The following SORL1 variants were observed in gnomAD, a reference collection of about 807,000 sequenced individuals.
SORL1 encodes the protein sortilin-related receptor.
SORL1 carries 127 observed loss-of-function variants against 273.7 expected under a neutral mutation model. The ratio of observed to expected loss-of-function variants is 0.46; its 90% CI spans 0.40 to 0.54. SORL1 has a LOEUF of 0.54. Ranked by LOEUF, SORL1 falls within the 20% of genes least tolerant of loss-of-function variation. SORL1 has a pLI of 0.00. For missense variants in SORL1, 2,494 were observed against 2,846.1 expected (o/e 0.88, Z 2.81); for synonymous variants, 1,031 against 1,067.4 (o/e 0.97, Z 0.66).
chr11:121,459,293 T>C (rs1565299151), intron 1 of SORL1, among the ~76,000 whole-genome samples: 1 of 152,218 alleles, frequency 6.6e-6, no homozygotes, highest in Non-Finnish European at 1.5e-5. Context: ...AGGCCTCTTC[T>C]TCCCACCTGT....
At chr11:121,483,532 C>T (rs1861427219) in intron 3 of SORL1, among the ~76,000 whole-genome samples, 1 of 152,166 alleles carries the variant, frequency 6.6e-6, no homozygotes, top group Non-Finnish European at 1.5e-5. Context: ...TTTGTATTTT[C>T]AGAGGAAACA....
rs1406457635 is a variant in SORL1 at position 121,589,324 on chromosome 11, A to C, written c.4012A>C (p.Ile1338Leu). ...TTTCCAGTGTCAGAATGGAGTGTGCATCAGTTTGATTTGGAAGTGCGACGG... is the reference window on the plus strand; with the variant it reads ...TTTCCAGTGTCAGAATGGAGTGTGCCTCAGTTTGATTTGGAAGTGCGACGG... The part of the protein sequence containing the change: ...FGFQCQNGVC[I>L]SLIWKCDGMD... Residue 1338 changes from isoleucine (I) to leucine (L), a missense_variant, in exon 29 of 48, where the codon ATC becomes CTC. Ile to Leu is a conservative substitution (Grantham distance 5). Around this residue, in one of 3 missense-constraint regions of SORL1, gnomAD observed 1,609 missense variants for 1,816.4 expected, o/e 0.89. Coordinates refer to ENST00000260197, the MANE Select transcript of SORL1 (RefSeq NM_003105.6). 2 of 1,613,930 alleles carry C rather than the reference A, an allele frequency of 1.2e-6. No individual in the cohort carries two copies. Among genetic ancestry groups the C allele is most frequent in the Middle Eastern group, 3.3e-4 (2 of 6,060 alleles).
intron 1 of SORL1, among the ~76,000 whole-genome samples, chr11:121,463,235 T>G (rs1861029868): frequency 1.3e-5 from 2 of 150,232 alleles, no homozygotes; most frequent in Admixed American, 1.3e-4. Context: ...TCTCTGAGAT[T>G]CTTTCTGGCT....
At chr11:121,552,808 G>A (rs2134900447) in intron 16 of SORL1, among the ~76,000 whole-genome samples, 1 of 152,346 alleles carries the variant, frequency 6.6e-6, no homozygotes, top group African/African-American at 2.4e-5. Flanking sequence ...GAAGTGGGCA[G>A]GAATGGCTAA....
At chr11:121,621,777 T>G (rs1418421040) in intron 44 of SORL1, among the ~76,000 whole-genome samples, 1 of 152,202 alleles carries the variant, frequency 6.6e-6, no homozygotes, top group East Asian at 1.9e-4. Flanking sequence ...CCAGCCCCAT[T>G]TATGCTGGTG....
chr11:121,453,560 A>C (rs935919961), intron 1 of SORL1, among the ~76,000 whole-genome samples: 5 of 152,144 alleles, frequency 3.3e-5, no homozygotes, highest in African/African-American at 1.2e-4. Context: ...GAGGGGGTAA[A>C]TACACTTGTT....
chr11:121,454,805 C>G (rs1283081893), intron 1 of SORL1, among the ~76,000 whole-genome samples: 2 of 152,110 alleles, frequency 1.3e-5, no homozygotes, highest in Non-Finnish European at 2.9e-5. Context: ...TTGAGGTGCC[C>G]CTCTTGGAAC....
In SORL1 at chr11:121,603,894, T is replaced by C. The variant is rs55859116; in HGVS notation, c.4520-299T>C. ...ATGGAATTGTTACTTCCATTTTTTA[T>C]AGGGCAACTGAACTCAGGTGATATT... On this transcript the variant is annotated intron_variant, in intron 32 of 47. Coordinates refer to ENST00000260197, the MANE Select transcript of SORL1 (RefSeq NM_003105.6). 8.4e-3 allele frequency among the ~76,000 whole-genome samples: 1,281 copies of C among 152,334 alleles called. 13 individuals carry two copies. The highest frequency in any genetic ancestry group is 0.028 in the African/African-American group (1,182 of 41,568).
intron 24 of SORL1, 124 bp from the exon 25 acceptor site, chr11:121,577,157 A>G (rs1862943448): frequency 1.5e-6 from 2 of 1,317,804 alleles, no homozygotes; most frequent in African/African-American, 1.5e-5. Flanking sequence ...CTCTTCGTTC[A>G]TGGTCTCTGT....
intron 3 of SORL1, among the ~76,000 whole-genome samples, chr11:121,485,470 A>G (rs12276905): frequency 0.11 from 16,239 of 152,274 alleles, 926 homozygotes; most frequent in African/African-American, 0.15. Context: ...TATAACGGTA[A>G]TATCCAAAGC....
At chr11:121,629,434 G>A (rs1863843286) in intron 47 of SORL1, 62 bp from the exon 48 acceptor site, 5 of 845,684 alleles carry the variant, frequency 5.9e-6, no homozygotes, top group Non-Finnish European at 1.0e-5. Flanking sequence ...GTAGAGTGGT[G>A]GGATATGGGG....
At chr11:121,483,076 G>T (rs1861418270) in intron 3 of SORL1, among the ~76,000 whole-genome samples, 1 of 152,216 alleles carries the variant, frequency 6.6e-6, no homozygotes, top group Non-Finnish European at 1.5e-5. Flanking sequence ...TATGTTTGGC[G>T]CTGTTATTTG....
chr11:121,474,712 G>A (rs997334417), intron 2 of SORL1, among the ~76,000 whole-genome samples: 2 of 152,214 alleles, frequency 1.3e-5, no homozygotes, highest in East Asian at 1.9e-4. Flanking sequence ...GAGTGAGTCC[G>A]GGGTGTTCTC....
rs1463302739 is a variant in SORL1 at position 121,563,021 on chromosome 11, G to A, written c.3049+3364G>A. 2.6e-5 allele frequency among the ~76,000 whole-genome samples: 4 copies of A among 152,212 alleles called. No individual in the cohort carries two copies. Among genetic ancestry groups the A allele is most frequent in the Non-Finnish European group, 5.9e-5 (4 of 68,036 alleles). On this transcript the variant is annotated intron_variant, in intron 21 of 47. Transcript: ENST00000260197. The surrounding 1 kb of genome is among the most constrained non-coding windows in gnomAD (Gnocchi z 4.2). ...GGGTTGCTGTGTTATAAGTACCACA[G>A]TAATGTGCTTTGTGGGCTTGTATAA...
At chr11:121,527,995 G>T (rs1398353988) in intron 11 of SORL1, among the ~76,000 whole-genome samples, 3 of 150,440 alleles carry the variant, frequency 2.0e-5, no homozygotes, top group African/African-American at 7.4e-5. Context: ...TATTTGTTTT[G>T]TTGTTCTTTT....
intron 11 of SORL1, among the ~76,000 whole-genome samples, chr11:121,531,800 A>G (rs1013785352): frequency 1.3e-5 from 2 of 152,228 alleles, no homozygotes; most frequent in African/African-American, 4.8e-5. Flanking sequence ...ACTCTCTGCT[A>G]TGGGATTCCA....
intron 12 of SORL1, among the ~76,000 whole-genome samples, chr11:121,535,632 G>T (rs2134875643): frequency 6.6e-6 from 1 of 152,072 alleles, no homozygotes; most frequent in South Asian, 2.1e-4. Context: ...GTTGTAGTGG[G>T]GACAGCAATT....
intron 29 of SORL1, 101 bp downstream of exon 29, chr11:121,589,491 C>T (rs1185309313): frequency 1.4e-6 from 2 of 1,417,990 alleles, no homozygotes; most frequent in African/African-American, 1.4e-5. Context: ...CAGACTTGGC[C>T]TTCCCGTAAC....
chr11:121,494,448 C>T (rs1005758543), intron 5 of SORL1, among the ~76,000 whole-genome samples: 3 of 152,156 alleles, frequency 2.0e-5, no homozygotes, highest in Admixed American at 1.3e-4. Context: ...CAAGACAGAA[C>T]AGTGGAAGAC....
Sources: gnomAD v4.1 joint callset for allele counts (sites outside exome capture counted in the v4.1 genomes callset) on GRCh38, gnomAD v4.1.1 for gene constraint, gnomAD v4.1.1 regional missense constraint, Gnocchi (gnomAD v3.1) non-coding constraint, MANE v1.5 for transcripts, NCBI Gene and HGNC (gene_info 2026-07-23, HGNC 2026-07-21) for gene names.